Variants in COL5A1 observed in about 807,000 individuals in gnomAD.
COL5A1 encodes collagen type V alpha 1 chain, also known as collagen alpha-1(V) chain.
COL5A1 carries 16 observed loss-of-function variants against 263.7 expected under a neutral mutation model. The observed-to-expected ratio is 0.06, with a 90% CI of 0.04 to 0.09. COL5A1 has a LOEUF of 0.09. Ranked by LOEUF, COL5A1 falls within the 10% of genes least tolerant of loss-of-function variation. The pLI is 1.00. For missense variants in COL5A1, 2,036 were observed against 2,540.5 expected (o/e 0.80, Z 4.27); for synonymous variants, 1,012 against 1,004.5 (o/e 1.01, Z -0.14).
At chr9:134,835,872 A>G (rs1464305552) in intron 65 of COL5A1, among the ~76,000 whole-genome samples, 1 of 152,212 alleles carries the variant, frequency 6.6e-6, no homozygotes, top group Non-Finnish European at 1.5e-5. Flanking sequence ...TGCCAGGGCC[A>G]TCGCACAGGT....
chr9:134,788,599 A>G (rs2132782911), intron 31 of COL5A1, among the ~76,000 whole-genome samples: 1 of 149,324 alleles, frequency 6.7e-6, no homozygotes, highest in East Asian at 2.0e-4. Flanking sequence ...GTAGGTGGAT[A>G]GACAGATAGA....
In COL5A1 at chr9:134,686,624, G is replaced by A. The variant is rs865901506; in HGVS notation, c.110-4288G>A. ...CTGGCGTCCATTCCTTTATAGGTCTGGGGACCTGATGCCTGGTTATATCCT... is the reference window on the plus strand; with the variant it reads ...CTGGCGTCCATTCCTTTATAGGTCTAGGGACCTGATGCCTGGTTATATCCT... On this transcript the variant is annotated intron_variant, in intron 1 of 65. Transcript: ENST00000371817. This position sits in a 1 kb window ranked among gnomAD's most constrained non-coding sequence, Gnocchi z 4.6. Among the ~76,000 whole-genome samples the A allele has an allele frequency of 4.7e-4, 72 of 152,092 alleles. No homozygotes were observed. The highest frequency in any genetic ancestry group is 1.6e-3 in the African/African-American group (68 of 41,400).
intron 4 of COL5A1, among the ~76,000 whole-genome samples, chr9:134,713,975 G>C (rs1235764991): frequency 6.6e-6 from 1 of 152,186 alleles, no homozygotes; most frequent in Non-Finnish European, 1.5e-5. Context: ...TCCAGGCCCA[G>C]CTCTGAGCAA....
intron 60 of COL5A1, 136 bp from the exon 61 acceptor site, chr9:134,823,280 C>T (rs945893941): frequency 4.1e-5 from 43 of 1,061,696 alleles, no homozygotes; most frequent in Non-Finnish European, 5.6e-5. Flanking sequence ...GGGGTCTCTG[C>T]CATTCTCTTC....
chr9:134,727,521 A>T, intron 5 of COL5A1, 124 bp downstream of exon 5: 1 of 1,069,450 alleles, frequency 9.4e-7, no homozygotes, highest in Non-Finnish European at 1.4e-6. Context: ...ATTTGGAGGG[A>T]CCTAGGAGGT....
chr9:134,730,171 T>G, intron 6 of COL5A1, 65 bp from the exon 7 acceptor site: 4 of 1,601,652 alleles, frequency 2.5e-6, no homozygotes, highest in Non-Finnish European at 3.4e-6. Context: ...ATGCGGCAAG[T>G]CCCAGACCTG....
intron 31 of COL5A1, among the ~76,000 whole-genome samples, chr9:134,787,598 T>G (rs2132779677): frequency 6.6e-6 from 1 of 152,342 alleles, no homozygotes; most frequent in African/African-American, 2.4e-5. Flanking sequence ...TCAGAGTCCC[T>G]AAATCCATCT....
At chr9:134,723,336 C>T (rs78486632) in intron 4 of COL5A1, among the ~76,000 whole-genome samples, 3,830 of 152,192 alleles carry the variant, frequency 0.025, 155 homozygotes, top group African/African-American at 0.087. Context: ...GTCCCTGAAA[C>T]TTCAGATGAG....
chr9:134,811,292 A>G (rs1247683144), intron 44 of COL5A1, 47 bp from the exon 45 acceptor site: 1 of 1,586,052 alleles, frequency 6.3e-7, no homozygotes. Context: ...CCTCAGCCTT[A>G]TCCACGATCC....
At chr9:134,828,799 TACACACAGATACC>T (rs1011987818) in intron 63 of COL5A1, among the ~76,000 whole-genome samples, 49 of 141,502 alleles carry the variant, frequency 3.5e-4, no homozygotes, top group South Asian at 9.2e-4. Context: ...ACACAGACAT[TACACACAGATACC>T]ACACACACAC....
intron 30 of COL5A1, 56 bp from the exon 31 acceptor site, chr9:134,785,939 G>A: frequency 6.6e-7 from 1 of 1,514,430 alleles, no homozygotes; most frequent in Non-Finnish European, 9.1e-7. Flanking sequence ...TCTGCTCCGG[G>A]GAAACGGATG....
chr9:134,731,550 G>A lies in COL5A1; in HGVS notation c.1219G>A (p.Glu407Lys), dbSNP rs893500214. Residue 407 changes from glutamate to lysine, a missense_variant, in exon 8 of 66, where the codon GAA becomes AAA. This residue lies in a region of COL5A1 where 600 missense variants were observed against 634.5 expected (regional missense o/e 0.95). Coordinates refer to ENST00000371817, the MANE Select transcript of COL5A1 (RefSeq NM_000093.5). The stretch of plus-strand genomic sequence containing the variant: ...TGACTTGGAGGGGGAGTTCACTGAG[G>A]AAACGATCCGGAACCTTGACGAGAA... ...ADDLEGEFTE[E>K]TIRNLDENYY... 1 of 1,614,240 alleles carries A rather than the reference G, an allele frequency of 6.2e-7. No homozygotes were observed. Among genetic ancestry groups the A allele is most frequent in the African/African-American group, 1.3e-5 (1 of 75,066 alleles).
chr9:134,664,709 G>C (rs1482191390), intron 1 of COL5A1, among the ~76,000 whole-genome samples: 1 of 152,226 alleles, frequency 6.6e-6, no homozygotes, highest in Non-Finnish European at 1.5e-5. Context: ...GAGGGGCAGT[G>C]GGTGTTCCCA....
chr9:134,807,338 G>T (rs1838330403), intron 42 of COL5A1, among the ~76,000 whole-genome samples: 1 of 152,184 alleles, frequency 6.6e-6, no homozygotes, highest in Non-Finnish European at 1.5e-5. Context: ...GTGTCACCCA[G>T]GCTGGAGTGC....
At chr9:134,671,999 C>A (rs1832553040) in intron 1 of COL5A1, among the ~76,000 whole-genome samples, 2 of 152,202 alleles carry the variant, frequency 1.3e-5, no homozygotes, top group Admixed American at 6.5e-5. Context: ...GGGCCCACTT[C>A]AAATGTCACA....
intron 32 of COL5A1, 33 bp from the exon 33 acceptor site, chr9:134,795,049 A>G (rs1218783248): frequency 6.2e-7 from 1 of 1,611,772 alleles, no homozygotes; most frequent in Non-Finnish European, 8.5e-7. Context: ...GGGCATTTAG[A>G]GAGTGACTGA....
chr9:134,730,796 G>C (rs1326879377), intron 7 of COL5A1, among the ~76,000 whole-genome samples: 2 of 152,226 alleles, frequency 1.3e-5, no homozygotes, highest in African/African-American at 2.4e-5. Context: ...GGATGAGGAG[G>C]GGGGTGGCTT....
Position 134,696,323 on chromosome 9 carries a change from G to A in COL5A1, c.278-3586G>A, listed in dbSNP as rs1465133814. On this transcript the variant is annotated intron_variant, in intron 2 of 65. Coordinates refer to ENST00000371817, the MANE Select transcript of COL5A1 (RefSeq NM_000093.5). The surrounding 1 kb of genome is among the most constrained non-coding windows in gnomAD (Gnocchi z 4.3). Reference sequence around the variant, plus strand: ...CGAGTAGTTGGGATTACAGGTGTGTGCCACCACACCCGGCTAATTTTTTTT... The same window carrying A: ...CGAGTAGTTGGGATTACAGGTGTGTACCACCACACCCGGCTAATTTTTTTT... 1.3e-5 allele frequency among the ~76,000 whole-genome samples: 2 copies of A among 152,052 alleles called. No homozygotes were observed. The highest frequency in any genetic ancestry group is 4.8e-5 in the African/African-American group (2 of 41,388).
In COL5A1 at chr9:134,795,625, G is replaced by A. The variant is rs1047467076; in HGVS notation, c.2799+310G>A. Among the ~76,000 whole-genome samples, 82 of 152,274 alleles carry A rather than the reference G, an allele frequency of 5.4e-4. 2 individuals are homozygous for A. The highest frequency in any genetic ancestry group is 1.9e-3 in the African/African-American group (77 of 41,570). Reference sequence around the variant, plus strand: ...GGCCAGGCCCACCGCAGACTCACCCGCCCTGGTCGGGAGGCCCCATTTCCT... The same window carrying A: ...GGCCAGGCCCACCGCAGACTCACCCACCCTGGTCGGGAGGCCCCATTTCCT... On this transcript the variant is annotated intron_variant, in intron 34 of 65. Transcript: ENST00000371817.
Sources: gnomAD v4.1 joint callset for allele counts (sites outside exome capture counted in the v4.1 genomes callset) on GRCh38, gnomAD v4.1.1 for gene constraint, gnomAD v4.1.1 regional missense constraint, Gnocchi (gnomAD v3.1) non-coding constraint, MANE v1.5 for transcripts, NCBI Gene and HGNC (gene_info 2026-07-23, HGNC 2026-07-21) for gene names.